CNP: variants seen among roughly 807,000 people sequenced by gnomAD.
CNP encodes the protein 2',3'-cyclic-nucleotide 3'-phosphodiesterase.
CNP carries 8 observed loss-of-function variants against 37.9 expected under a neutral mutation model. That is an observed-to-expected ratio of 0.21 (90% CI 0.12 to 0.38). The LOEUF (loss-of-function observed/expected upper bound fraction) is 0.38. CNP is among the 10% of genes least tolerant of loss of function. CNP has a pLI of 1.00. For synonymous variants in CNP, 237 were observed against 238.3 expected (o/e 0.99, Z 0.05); for missense variants, 457 against 551.0 (o/e 0.83, Z 1.71).
rs34645700 is a variant in CNP, at chr17:41,974,004, ATTTT to A, written c.*97_*100del. 5,661 of 826,886 alleles carry A rather than the reference ATTTT, an allele frequency of 6.8e-3. No individual in the cohort carries two copies. Among genetic ancestry groups the A allele is most frequent in the South Asian group, 0.011 (263 of 22,938 alleles). The allele number at this position is 826,886 out of a possible 1,614,324, so 51.2% of individuals were successfully genotyped here. On this transcript the variant is annotated 3_prime_UTR_variant, in exon 4 of 4. Transcript: ENST00000393892. ...CTCTGTTTGATCCTTGTTTTGTGAC[ATTTT>A]TTTTTTTTTTTTTTTTACTCAAAGT...
intron 2 of CNP, chr17:41,971,127 A>T (rs2050981506): frequency 2.0e-5 from 3 of 152,276 alleles, no homozygotes; most frequent in Admixed American, 2.0e-4. Flanking sequence ...CTGGATTGAT[A>T]GATAGGGTTG....
rs77147872 is a variant in CNP at position 41,977,450 on chromosome 17, C to T, written c.*3526C>T. ...TGGAGAGTCTCACTCCCCTCCTTTC[C>T]CAACACTTCAGACTGCAAGTGAGCA... On this transcript the variant is annotated 3_prime_UTR_variant, in exon 4 of 4. Transcript: ENST00000393892. 0.015 allele frequency: 12,105 copies of T among 832,588 alleles called. 111 individuals are homozygous for T. Among genetic ancestry groups the T allele is most frequent in the Non-Finnish European group, 0.019 (10,085 of 525,466 alleles). The allele number at this position is 832,588 out of a possible 1,614,324, so 51.6% of individuals were successfully genotyped here.
In CNP at chr17:41,976,694, T is replaced by C. The variant is rs1555644882; in HGVS notation, c.*2770T>C. 1.2e-6 allele frequency: 2 copies of C among 1,605,136 alleles called. No homozygotes were observed. The highest frequency in any genetic ancestry group is 1.1e-5 in the South Asian group (1 of 90,604). On this transcript the variant is annotated 3_prime_UTR_variant, in exon 4 of 4. Transcript: ENST00000393892. ...TTTCCACATTCAAGATTAAACTGAG[T>C]GAATCTGCATTTTCTGGGTTCTGGG...
At position 41,968,138 on chromosome 17, in the gene CNP, G is replaced by C. The variant is rs782121613; in HGVS notation, c.74G>C (p.Gly25Ala). The C allele has an allele frequency of 6.2e-7, 1 of 1,614,204 alleles. No individual in the cohort carries two copies. The highest frequency in any genetic ancestry group is 1.1e-5 in the South Asian group (1 of 91,080). The change falls in exon 2 of 4, where the codon GGG becomes GCG. Residue 25 changes from glycine (G) to alanine (A), a missense_variant. Transcript: ENST00000393892. The surrounding 1 kb of genome is among the most constrained non-coding windows in gnomAD (Gnocchi z 4.8). ...KIFFRKMSSS[G>A]AKDKPELQFP... ...TTCTTCCGCAAGATGTCATCCTCAG[G>C]GGCCAAGGACAAGCCTGAGCTGCAG...
In CNP at chr17:41,973,507, G is replaced by A. The variant is rs782324779; in HGVS notation, c.849G>A (p.Thr283=). 1.8e-5 allele frequency: 29 copies of A among 1,614,062 alleles called. No individual in the cohort carries two copies. Among genetic ancestry groups the A allele is most frequent in the Middle Eastern group, 1.6e-4 (1 of 6,082 alleles). ...VLKKSYSKAF[T]LTISALFVTP... is the part of the protein sequence containing the mutation. ...AGAAATCTTACTCCAAGGCCTTCAC[G>A]CTGACCATCTCTGCCCTCTTTGTGA... is the stretch of plus-strand genomic sequence containing the variant. Residue 283 remains threonine, a synonymous_variant, in exon 4 of 4, where the codon ACG becomes ACA. Transcript: ENST00000393892.
chr17:41,968,303 T>C lies in CNP; in HGVS notation c.239T>C (p.Met80Thr). The change falls in exon 2 of 4, where the codon ATG (methionine) becomes ACG (threonine). Residue 80 changes from methionine to threonine, a missense_variant. Met to Thr is a moderately conservative substitution (Grantham distance 81). Transcript: ENST00000393892. The surrounding 1 kb of genome is among the most constrained non-coding windows in gnomAD (Gnocchi z 4.8). Reference sequence around the variant, plus strand: ...GACAAGTACCGTGATGGCACCAAGATGGTGTCGGCTGACGCTTACAAGATC... The same window carrying C: ...GACAAGTACCGTGATGGCACCAAGACGGTGTCGGCTGACGCTTACAAGATC... ...IVDKYRDGTK[M>T]VSADAYKITP... 6.2e-7 allele frequency: 1 copy of C among 1,614,070 alleles called. No individual in the cohort carries two copies. Among genetic ancestry groups the C allele is most frequent in the South Asian group, 1.1e-5 (1 of 91,064 alleles).
chr17:41,975,222 T>C lies in CNP; in HGVS notation c.*1298T>C, dbSNP rs1366358992. 1 of 152,658 alleles carries C rather than the reference T, an allele frequency of 6.6e-6. No homozygotes were observed. Among genetic ancestry groups the C allele is most frequent in the East Asian group, 1.9e-4 (1 of 5,194 alleles). 9.5% of individuals were successfully genotyped at this position (152,658 alleles called of 1,614,324 possible). A position where few individuals can be genotyped will look rare whatever the true frequency, so the allele number is the denominator to read the frequency against. Reference sequence around the variant, plus strand: ...CTTCTGTGCCCAGCTCAGTCTTCCCTAGGGCTGGGTGTATTAGGACTGGCT... The same window carrying C: ...CTTCTGTGCCCAGCTCAGTCTTCCCCAGGGCTGGGTGTATTAGGACTGGCT... On this transcript the variant is annotated 3_prime_UTR_variant, in exon 4 of 4. Transcript: ENST00000393892.
Position 41,966,906 on chromosome 17 carries a change from C to T in CNP, c.3+19C>T. 3 of 1,339,506 alleles carry T rather than the reference C, an allele frequency of 2.2e-6. No homozygotes were observed. Among genetic ancestry groups the T allele is most frequent in the East Asian group, 3.1e-5 (1 of 32,148 alleles). The allele number at this position is 1,339,506 out of a possible 1,614,324, so 83.0% of individuals were successfully genotyped here. Reference sequence around the variant, plus strand: ...CATCATGGTGAGAGGCCGGGCGGGGCCGGGCACGGGGTAGCACCAGGGCGG... The same window carrying T: ...CATCATGGTGAGAGGCCGGGCGGGGTCGGGCACGGGGTAGCACCAGGGCGG... On this transcript the variant is annotated intron_variant, in intron 1 of 3. Transcript: ENST00000393892.
Position 41,973,892 on chromosome 17 carries a change from G to C in CNP, c.1234G>C (p.Gly412Arg). 5 of 1,562,096 alleles carry C rather than the reference G, an allele frequency of 3.2e-6. No individual in the cohort carries two copies. Among genetic ancestry groups the C allele is most frequent in the Non-Finnish European group, 3.5e-6 (4 of 1,152,404 alleles). The change falls in exon 4 of 4, where the codon GGG (glycine) becomes CGG (arginine). Residue 412 changes from glycine to arginine, a missense_variant. Physicochemically the swap from Gly to Arg is moderately radical, Grantham distance 125. Transcript: ENST00000393892. ...TGTGCCCACGCAAGGTAGCCGGAAG[G>C]GGGGCGCCTTGCAGTCCTGCACCAT... Reference protein sequence around the residue: ...KPVPTQGSRKGGALQSCTII With the variant: ...KPVPTQGSRKRGALQSCTII
rs1265764026 is a variant in CNP, at chr17:41,968,825, T to C, written c.676+85T>C. 1.4e-6 allele frequency: 2 copies of C among 1,430,860 alleles called. No homozygotes were observed. Among genetic ancestry groups the C allele is most frequent in the Non-Finnish European group, 1.9e-6 (2 of 1,073,478 alleles). 88.6% of individuals were successfully genotyped at this position (1,430,860 alleles called of 1,614,324 possible). A position where few individuals can be genotyped will look rare whatever the true frequency, so the allele number is the denominator to read the frequency against. On this transcript the variant is annotated intron_variant, in intron 2 of 3. Coordinates refer to ENST00000393892, the MANE Select transcript of CNP (RefSeq NM_033133.5). The surrounding 1 kb of genome is among the most constrained non-coding windows in gnomAD (Gnocchi z 4.8). ...AAGGACCATCATTGTACTCAAAGGA[T>C]GGAGCACGAAGCAGCAGGAGGCAGA... is the stretch of plus-strand genomic sequence containing the variant.
At position 41,977,425 on chromosome 17, in the gene CNP, TG is replaced by T; in HGVS notation, c.*3503del. On this transcript the variant is annotated 3_prime_UTR_variant, in exon 4 of 4. Transcript: ENST00000393892. ...TGAGAACAGATCTCCAAAGCTTTCC[TG>T]GAGAGTCTCACTCCCCTCCTTTCCC... 2 of 1,097,590 alleles carry T rather than the reference TG, an allele frequency of 1.8e-6. No homozygotes were observed. The highest frequency in any genetic ancestry group is 1.5e-5 in the South Asian group (1 of 68,876). The allele number at this position is 1,097,590 out of a possible 1,614,324, so 68.0% of individuals were successfully genotyped here.
chr17:41,976,630 T>G lies in CNP; in HGVS notation c.*2706T>G. The G allele has an allele frequency of 6.7e-7, 1 of 1,484,340 alleles. No individual in the cohort carries two copies. Among genetic ancestry groups the G allele is most frequent in the Non-Finnish European group, 9.1e-7 (1 of 1,094,282 alleles). The allele number at this position is 1,484,340 out of a possible 1,614,324, so 91.9% of individuals were successfully genotyped here. On this transcript the variant is annotated 3_prime_UTR_variant, in exon 4 of 4. Coordinates refer to ENST00000393892, the MANE Select transcript of CNP (RefSeq NM_033133.5). ...TCCAACTGAGAAAACGAAACTGCTC[T>G]AAGCACACGGAGACGTGATGAAGGG...
intron 1 of CNP, chr17:41,967,815 G>A (rs2050924724): frequency 2.3e-6 from 3 of 1,326,304 alleles, no homozygotes; most frequent in Admixed American, 3.2e-5. Flanking sequence ...GGCGCGCCCC[G>A]CATGCCTCCA....
intron 1 of CNP, chr17:41,967,198 C>A (rs1247919100): frequency 6.8e-6 from 2 of 295,678 alleles, no homozygotes; most frequent in Non-Finnish European, 1.2e-5. Context: ...CCCACGCAGG[C>A]CCGCGCTGGG....
At chr17:41,967,852 G>A (rs782141675) in intron 1 of CNP, 48 of 1,396,424 alleles carry the variant, frequency 3.4e-5, no homozygotes, top group Non-Finnish European at 4.1e-5. Flanking sequence ...GAAGTGGCAG[G>A]AATGGGGAAA....
chr17:41,972,173 A>T, intron 3 of CNP, 142 bp downstream of exon 3: 1 of 1,012,878 alleles, frequency 9.9e-7, no homozygotes, highest in Non-Finnish European at 1.4e-6. Context: ...TCCTCCTCCT[A>T]GCTCCCCTGT....
intron 3 of CNP, among the ~76,000 whole-genome samples, chr17:41,972,668 T>C (rs113608552): frequency 0.011 from 1,699 of 152,172 alleles, 14 homozygotes; most frequent in Non-Finnish European, 0.019. Flanking sequence ...TTCACTAGAG[T>C]GTCCTCCCAA....
Position 41,977,251 on chromosome 17 carries a change from G to C in CNP, c.*3327G>C, listed in dbSNP as rs1555645041. 1.9e-6 allele frequency: 3 copies of C among 1,576,692 alleles called. No homozygotes were observed. Among genetic ancestry groups the C allele is most frequent in the Non-Finnish European group, 2.6e-6 (3 of 1,161,508 alleles). ...ATCTGGGAACTCCCAAGAACAGCAG[G>C]CCCACCTACCTTCAAAGCTGAAGCC... On this transcript the variant is annotated 3_prime_UTR_variant, in exon 4 of 4. Coordinates refer to ENST00000393892, the MANE Select transcript of CNP (RefSeq NM_033133.5).
At chr17:41,969,601 G>C (rs532885807) in intron 2 of CNP, among the ~76,000 whole-genome samples, 1 of 152,296 alleles carries the variant, frequency 6.6e-6, no homozygotes, top group South Asian at 2.1e-4. Flanking sequence ...TGTTGCCCAG[G>C]CTGGAGTGCA....
Sources: allele counts gnomAD v4.1 joint callset (sites outside exome capture counted in the v4.1 genomes callset), GRCh38; gene constraint gnomAD v4.1.1; non-coding constraint Gnocchi (gnomAD v3.1); transcripts MANE v1.5; gene names NCBI Gene and HGNC (gene_info 2026-07-23, HGNC 2026-07-21).